The following WRN variants were observed in gnomAD, a reference collection of about 807,000 sequenced individuals.
The protein encoded by WRN is bifunctional 3'-5' exonuclease/ATP-dependent helicase WRN.
Under a neutral mutation model 180.7 loss-of-function variants are expected in WRN, and 149 were observed. The ratio of observed to expected loss-of-function variants is 0.82; its 90% CI spans 0.72 to 0.94. The LOEUF is 0.94. Among genes scored for constraint, WRN ranks in the 40% least tolerant of loss-of-function variants. The probability of loss-of-function intolerance (pLI) is 0.00; values close to 1 mark genes in which losing one functional copy is unlikely to be tolerated. For synonymous variants in WRN, 548 were observed against 568.9 expected, an observed-to-expected ratio of 0.96 and a Z score of 0.52; for missense variants, 1,661 against 1,700.1, an observed-to-expected ratio of 0.98 and a Z score of 0.40.
At chr8:31,079,479 A>T (rs1585425609) in intron 8 of WRN, among the ~76,000 whole-genome samples, 1 of 152,328 alleles carries the variant, frequency 6.6e-6, no homozygotes, top group South Asian at 2.1e-4. Flanking sequence ...TTTATGAAGT[A>T]CTTTAATAAG....
At chr8:31,073,878 CAGTT>C (rs1813001577) in intron 7 of WRN, among the ~76,000 whole-genome samples, 2 of 151,688 alleles carry the variant, frequency 1.3e-5, no homozygotes, top group African/African-American at 2.4e-5. Context: ...CTAGAACTAA[CAGTT>C]AGGTTTGATG....
chr8:31,124,854 C>G, intron 22 of WRN, 54 bp from the exon 23 acceptor site: 1 of 1,521,688 alleles, frequency 6.6e-7, no homozygotes, highest in Admixed American at 1.7e-5. Flanking sequence ...CAGGAATGAA[C>G]TTAACATATA....
chr8:31,041,018 A>T (rs1811634212), intron 1 of WRN, among the ~76,000 whole-genome samples: 1 of 152,174 alleles, frequency 6.6e-6, no homozygotes. Flanking sequence ...AGGAGTACTG[A>T]TAGTTCATCC....
At chr8:31,124,782 A>G in intron 22 of WRN, 126 bp from the exon 23 acceptor site, 1 of 1,200,002 alleles carries the variant, frequency 8.3e-7, no homozygotes. Flanking sequence ...GTCTGAGTAA[A>G]CTGAAGTCAA....
chr8:31,074,896 ATTG>A (rs1229607788), intron 7 of WRN, among the ~76,000 whole-genome samples: 1 of 152,134 alleles, frequency 6.6e-6, no homozygotes, highest in African/African-American at 2.4e-5. Flanking sequence ...GTGTCAAAGT[ATTG>A]TTGGGGAAAG....
At chr8:31,057,757 A>T (rs1487255579) in intron 1 of WRN, among the ~76,000 whole-genome samples, 2 of 150,198 alleles carry the variant, frequency 1.3e-5, no homozygotes, top group Non-Finnish European at 3.0e-5. Flanking sequence ...TTTTTTTTTT[A>T]AATGCACACA....
Position 31,059,190 on chromosome 8 carries a change from C to A in WRN, c.134C>A (p.Pro45His). Residue 45 changes from proline (P) to histidine (H), a missense_variant, in exon 3 of 35, where the codon CCC becomes CAC. Physicochemically the swap from Pro to His is moderately conservative, Grantham distance 77. Around this residue, in one of 3 missense-constraint regions of WRN, gnomAD observed 500 missense variants for 504.1 expected, o/e 0.99. Coordinates refer to ENST00000298139, the MANE Select transcript of WRN (RefSeq NM_000553.6). ...VRKSVFEDDL[P>H]FLEFTGSIVY... ...AAGAGTGTTTTTGAAGATGACCTCC[C>A]CTTCTTAGAATTCACTGGATCCATT... 1 of 1,613,772 alleles carries A rather than the reference C, an allele frequency of 6.2e-7. No individual in the cohort carries two copies. Among genetic ancestry groups the A allele is most frequent in the South Asian group, 1.1e-5 (1 of 91,078 alleles).
chr8:31,112,647 C>T (rs1255365191), intron 19 of WRN, among the ~76,000 whole-genome samples: 3 of 151,866 alleles, frequency 2.0e-5, no homozygotes, highest in African/African-American at 7.3e-5. Flanking sequence ...AGTGCAGTGG[C>T]GCAATCCCGG....
At chr8:31,062,457 A>G (rs1288214675) in intron 3 of WRN, among the ~76,000 whole-genome samples, 1 of 145,872 alleles carries the variant, frequency 6.9e-6, no homozygotes, top group Non-Finnish European at 1.5e-5. Flanking sequence ...CTCGTGCTGG[A>G]GTGACAGTGG....
chr8:31,148,891 C>T (rs1802975195), intron 30 of WRN, among the ~76,000 whole-genome samples: 1 of 152,128 alleles, frequency 6.6e-6, no homozygotes, highest in South Asian at 2.1e-4. Flanking sequence ...CCTGTAGCAC[C>T]TAGCACAATG....
intron 1 of WRN, among the ~76,000 whole-genome samples, chr8:31,044,576 C>T (rs996929135): frequency 4.6e-5 from 7 of 152,056 alleles, no homozygotes; most frequent in Middle Eastern, 6.8e-3. Flanking sequence ...AGGCTGGTCT[C>T]GAACTCTTGA....
chr8:31,082,553 T>C (rs1813357319), intron 9 of WRN, among the ~76,000 whole-genome samples: 1 of 152,184 alleles, frequency 6.6e-6, no homozygotes, highest in South Asian at 2.1e-4. Context: ...AGGTATACAC[T>C]TTAAGTGATA....
chr8:31,150,248 T>C (rs1317816083), intron 30 of WRN, 93 bp from the exon 31 acceptor site: 5 of 988,958 alleles, frequency 5.1e-6, no homozygotes, highest in Non-Finnish European at 6.5e-6. Context: ...AGAGAATCAT[T>C]AGGAAGCTGA....
intron 11 of WRN, 28 bp from the exon 12 acceptor site, chr8:31,087,748 G>A (rs1418169982): frequency 6.2e-7 from 1 of 1,605,016 alleles, no homozygotes; most frequent in Non-Finnish European, 8.5e-7. Flanking sequence ...CAGTGGTTTT[G>A]CTTTTAAGAT....
intron 1 of WRN, among the ~76,000 whole-genome samples, chr8:31,037,379 T>A (rs75742573): frequency 0.012 from 1,778 of 152,364 alleles, 18 homozygotes; most frequent in Admixed American, 0.021. Flanking sequence ...GCTTGCCTGC[T>A]GCTCACCTAC....
chr8:31,156,946 G>A (rs1291786490), intron 32 of WRN, among the ~76,000 whole-genome samples: 2 of 152,122 alleles, frequency 1.3e-5, no homozygotes, highest in Admixed American at 1.3e-4. Flanking sequence ...TTTAGGATTT[G>A]TCTTCTTGGA....
At chr8:31,159,661 C>T (rs1461928725) in intron 33 of WRN, among the ~76,000 whole-genome samples, 1 of 141,636 alleles carries the variant, frequency 7.1e-6, no homozygotes, top group Non-Finnish European at 1.6e-5. Flanking sequence ...GGTGTTGCGC[C>T]AGGCACTGTG....
chr8:31,058,522 A>G lies in WRN; in HGVS notation c.75A>G (p.Arg25=), dbSNP rs150524008. 6.7e-5 allele frequency: 108 copies of G among 1,613,826 alleles called. No individual in the cohort carries two copies. The East Asian group carries it at 8.3e-4, about 12-fold the overall frequency. ...CPEWMNVQNK[R]CAVEERKACV... Reference sequence around the variant, plus strand: ...AATGGATGAATGTGCAGAATAAAAGATGTGCTGTAGAAGAAAGAAAGGTAT... The same window carrying G: ...AATGGATGAATGTGCAGAATAAAAGGTGTGCTGTAGAAGAAAGAAAGGTAT... The change falls in exon 2 of 35, where the codon AGA becomes AGG. Residue 25 remains arginine, a synonymous_variant. Transcript: ENST00000298139.
intron 23 of WRN, among the ~76,000 whole-genome samples, chr8:31,125,414 A>G (rs1238660769): frequency 6.6e-6 from 1 of 150,804 alleles, no homozygotes; most frequent in East Asian, 2.0e-4. Flanking sequence ...ATATCAGACA[A>G]TGGACACTTT....
Sources: allele counts gnomAD v4.1 joint callset (sites outside exome capture counted in the v4.1 genomes callset), GRCh38; gene constraint gnomAD v4.1.1; regional missense constraint gnomAD v4.1.1; transcripts MANE v1.5; gene names NCBI Gene and HGNC (gene_info 2026-07-23, HGNC 2026-07-21).